The following PYROXD1 variants were observed in gnomAD, a reference collection of about 807,000 sequenced individuals.
PYROXD1 encodes the protein tRNA ligase complex-associated NAD(P)H dehydrogenase PYROXD1.
A neutral mutation model predicts 62.0 loss-of-function variants in PYROXD1; 42 were observed. That is an observed-to-expected ratio of 0.68 (90% CI 0.53 to 0.88). PYROXD1 has a LOEUF of 0.88. Among genes scored for constraint, PYROXD1 ranks in the 40% least tolerant of loss-of-function variants. The pLI is 0.00. For synonymous variants in PYROXD1, 170 were observed against 206.4 expected, an observed-to-expected ratio of 0.82 and a Z score of 1.51; for missense variants, 493 against 604.8, an observed-to-expected ratio of 0.82 and a Z score of 1.94.
intron 10 of PYROXD1, among the ~76,000 whole-genome samples, chr12:21,463,243 A>C (rs1942731503): frequency 6.6e-6 from 1 of 152,218 alleles, no homozygotes; most frequent in Non-Finnish European, 1.5e-5. Context: ...TGAGGAACTG[A>C]ATTATTTTTA....
intron 10 of PYROXD1, among the ~76,000 whole-genome samples, chr12:21,463,429 C>T (rs1942734148): frequency 6.6e-6 from 1 of 152,132 alleles, no homozygotes; most frequent in Non-Finnish European, 1.5e-5. Context: ...TGGCTCACGC[C>T]TGTAATCCCA....
intron 7 of PYROXD1, chr12:21,457,081 A>T (rs1942610883): frequency 3.1e-5 from 9 of 288,164 alleles, no homozygotes; most frequent in South Asian, 2.7e-4. Context: ...AAAGTCATCC[A>T]TGAAGGTTGG....
intron 4 of PYROXD1, 121 bp downstream of exon 4, chr12:21,449,812 C>A: frequency 1.4e-6 from 1 of 719,926 alleles, no homozygotes. Context: ...GTTTCATGAC[C>A]AGTAAACCAC....
chr12:21,468,665 G>C lies in PYROXD1; in HGVS notation c.1414G>C (p.Glu472Gln). The C allele has an allele frequency of 6.2e-7, 1 of 1,612,506 alleles. No homozygotes were observed. The highest frequency in any genetic ancestry group is 8.5e-7 in the Non-Finnish European group (1 of 1,179,126). Residue 472 changes from glutamate (E) to glutamine (Q), a missense_variant, in exon 12 of 12, where the codon GAA becomes CAA. By Grantham distance (29) the Glu-to-Gln change is conservative (BLOSUM62 2). Around this residue, in one of 2 missense-constraint regions of PYROXD1, gnomAD observed 329 missense variants for 446.6 expected, o/e 0.74. Coordinates refer to ENST00000240651, the MANE Select transcript of PYROXD1 (RefSeq NM_024854.5). ...IGETDLEETFENLILNQMNLS... is the reference protein window; with the variant it reads ...IGETDLEETFQNLILNQMNLS... ...TGAAACCGATTTAGAAGAAACATTT[G>C]AAAACCTAATCTTAAACCAAATGAA...
rs749211223 is a variant in PYROXD1, at chr12:21,470,929, T to G, written c.*2175T>G. The G allele has an allele frequency of 4.4e-6, 6 of 1,366,804 alleles. No homozygotes were observed. The highest frequency in any genetic ancestry group is 5.7e-6 in the Non-Finnish European group (6 of 1,052,720). The allele number at this position is 1,366,804 out of a possible 1,614,324, so 84.7% of individuals were successfully genotyped here. On this transcript the variant is annotated 3_prime_UTR_variant, in exon 12 of 12. Transcript: ENST00000240651. ...AAGCATCCCATAGGCTTTAATATAC[T>G]TTTTAAAATATATAAAACTGAAAAT... is the stretch of plus-strand genomic sequence containing the variant.
At chr12:21,449,209 G>C (rs1267094777) in intron 3 of PYROXD1, among the ~76,000 whole-genome samples, 1 of 152,096 alleles carries the variant, frequency 6.6e-6, no homozygotes, top group Non-Finnish European at 1.5e-5. Context: ...AAAATTTCTT[G>C]AAGTTTTGTT....
chr12:21,459,236 A>G (rs1202387527), intron 7 of PYROXD1, among the ~76,000 whole-genome samples: 1 of 152,056 alleles, frequency 6.6e-6, no homozygotes, highest in South Asian at 2.1e-4. Flanking sequence ...TAAGCCAATC[A>G]CTAGCAGCCA....
At chr12:21,460,891 A>T in intron 7 of PYROXD1, 134 bp from the exon 8 acceptor site, 1 of 513,930 alleles carries the variant, frequency 1.9e-6, no homozygotes, top group Non-Finnish European at 3.2e-6. Flanking sequence ...TAGGGCACCC[A>T]ATGTGGTTTC....
intron 6 of PYROXD1, 43 bp from the exon 7 acceptor site, chr12:21,455,952 C>T (rs1419332529): frequency 3.1e-6 from 4 of 1,287,584 alleles, no homozygotes; most frequent in African/African-American, 1.5e-5. Context: ...TAACATATTT[C>T]TCTATCTGGT....
chr12:21,440,619 A>G (rs1464556955), intron 2 of PYROXD1, among the ~76,000 whole-genome samples, 171 bp downstream of exon 2: 1 of 152,022 alleles, frequency 6.6e-6, no homozygotes, highest in Non-Finnish European at 1.5e-5. Context: ...GGCTAAGTCA[A>G]GCTATTTAAA....
chr12:21,458,659 A>G (rs546226638), intron 7 of PYROXD1, among the ~76,000 whole-genome samples: 2 of 152,160 alleles, frequency 1.3e-5, no homozygotes, highest in Non-Finnish European at 2.9e-5. Flanking sequence ...CCTGGTTTCA[A>G]TATTCTTGTG....
rs571843241 is a variant in PYROXD1, at chr12:21,466,147, C to T, written c.1117-1334C>T. Among the ~76,000 whole-genome samples the T allele has an allele frequency of 1.0e-3, 149 of 143,568 alleles. 2 individuals carry two copies. In the East Asian group the frequency reaches 0.025, roughly 24 times the overall value. 94.2% of individuals were successfully genotyped at this position (143,568 alleles called of 152,430 possible). A position where few individuals can be genotyped will look rare whatever the true frequency, so the allele number is the denominator to read the frequency against. On this transcript the variant is annotated intron_variant, in intron 10 of 11. Transcript: ENST00000240651. ...TTGGCTTAGGATTGACTTGGCGATG[C>T]GGGCTCTTTTTTGGTTCCATATGAA... is the stretch of plus-strand genomic sequence containing the variant.
chr12:21,452,689 G>A (rs1279271648), intron 5 of PYROXD1, among the ~76,000 whole-genome samples: 1 of 152,008 alleles, frequency 6.6e-6, no homozygotes, highest in Non-Finnish European at 1.5e-5. Context: ...ATCTTAAGAC[G>A]ATATTACAAG....
chr12:21,440,504 CATAGCAGTTAGGGT>C, intron 2 of PYROXD1, 56 bp downstream of exon 2: 1 of 939,848 alleles, frequency 1.1e-6, no homozygotes, highest in Non-Finnish European at 1.7e-6. Flanking sequence ...CAATAACTTG[CATAGCAGTTAGGGT>C]AATTGTGTAT....
chr12:21,453,917 T>TA (rs1942548266), intron 5 of PYROXD1, among the ~76,000 whole-genome samples: 1 of 152,054 alleles, frequency 6.6e-6, no homozygotes, highest in African/African-American at 2.4e-5. Flanking sequence ...TAAATTGAAA[T>TA]ACAAACTTTA....
chr12:21,443,072 A>G (rs1942326169), intron 2 of PYROXD1, among the ~76,000 whole-genome samples: 2 of 152,254 alleles, frequency 1.3e-5, no homozygotes, highest in South Asian at 4.1e-4. Flanking sequence ...CATCTTGATG[A>G]CAATACCTCC....
In PYROXD1 at chr12:21,449,548, T is replaced by C; in HGVS notation, c.286-15T>C. ...ATGTGTCTCCCTTTTCTTTCATTGT[T>C]TGATGTATTTACAGTGCATTGTAAC... On this transcript the variant is annotated splice_polypyrimidine_tract_variant and intron_variant, in intron 3 of 11. Transcript: ENST00000240651. 2.5e-6 allele frequency: 4 copies of C among 1,598,044 alleles called. No homozygotes were observed. The highest frequency in any genetic ancestry group is 3.4e-6 in the Non-Finnish European group (4 of 1,174,678).
At chr12:21,445,578 TAAAG>T in intron 3 of PYROXD1, 112 bp downstream of exon 3, 1 of 1,062,138 alleles carries the variant, frequency 9.4e-7, no homozygotes, top group South Asian at 2.3e-5. Context: ...TTTTAACATG[TAAAG>T]TTTAGTGACA....
At chr12:21,453,930 A>G (rs1942548598) in intron 5 of PYROXD1, among the ~76,000 whole-genome samples, 1 of 152,042 alleles carries the variant, frequency 6.6e-6, no homozygotes, top group Non-Finnish European at 1.5e-5. Flanking sequence ...AAACTTTATT[A>G]CCAAATTTGT....
Sources: gnomAD v4.1 joint callset for allele counts (sites outside exome capture counted in the v4.1 genomes callset) on GRCh38, gnomAD v4.1.1 for gene constraint, gnomAD v4.1.1 regional missense constraint, MANE v1.5 for transcripts, NCBI Gene and HGNC (gene_info 2026-07-23, HGNC 2026-07-21) for gene names.